The following HIBADH variants were observed in gnomAD, a reference collection of about 807,000 sequenced individuals.
HIBADH encodes 3-hydroxyisobutyrate dehydrogenase, mitochondrial.
HIBADH carries 25 observed loss-of-function variants against 36.1 expected under a neutral mutation model. The observed-to-expected ratio is 0.69, with a 90% CI of 0.50 to 0.97. The LOEUF (loss-of-function observed/expected upper bound fraction) is 0.97. Among genes scored for constraint, HIBADH ranks in the 50% least tolerant of loss-of-function variants. The probability of loss-of-function intolerance (pLI) is 0.00; values close to 1 mark genes in which losing one functional copy is unlikely to be tolerated. For synonymous variants in HIBADH, 160 were observed against 149.5 expected (o/e 1.07, Z -0.51); for missense variants, 421 against 418.0 (o/e 1.01, Z -0.06).
At chr7:27,650,968 T>C (rs2391453) in intron 1 of HIBADH, among the ~76,000 whole-genome samples, 115,230 of 152,062 alleles carry the variant, frequency 0.76, 44,093 homozygotes, top group East Asian at 0.94. Flanking sequence ...CAACGTATGG[T>C]CCCTGTCCTT....
intron 1 of HIBADH, among the ~76,000 whole-genome samples, chr7:27,656,614 T>C (rs1786311268): frequency 6.6e-6 from 1 of 152,212 alleles, no homozygotes; most frequent in Non-Finnish European, 1.5e-5. Context: ...ATTTTCTGTA[T>C]GGATACACAC....
At chr7:27,607,276 G>A (rs941150425) in intron 4 of HIBADH, among the ~76,000 whole-genome samples, 6 of 152,186 alleles carry the variant, frequency 3.9e-5, no homozygotes, top group Admixed American at 3.3e-4. Context: ...GAGAGACCGA[G>A]GTGGGCAGAT....
chr7:27,527,378 T>C (rs1050204770), intron 7 of HIBADH, among the ~76,000 whole-genome samples: 1 of 152,158 alleles, frequency 6.6e-6, no homozygotes, highest in South Asian at 2.1e-4. Flanking sequence ...TCAGTTAAGA[T>C]GTATTTGTGG....
chr7:27,662,751 C>A lies in HIBADH; in HGVS notation c.38G>T (p.Gly13Val). Residue 13 changes from glycine (G) to valine (V), a missense_variant, in exon 1 of 8, where the codon GGT becomes GTT. Gly to Val is a moderately radical substitution (Grantham distance 109). Coordinates refer to ENST00000265395, the MANE Select transcript of HIBADH (RefSeq NM_152740.4). Reference sequence around the variant, plus strand: ...CAGCCGCCGGCTCCAGTACCGGAGACCGGAGGCAGCTCCGAGGAGCCGTAA... The same window carrying A: ...CAGCCGCCGGCTCCAGTACCGGAGAACGGAGGCAGCTCCGAGGAGCCGTAA... ...ASLRLLGAAS[G>V]LRYWSRRLRP... The A allele has an allele frequency of 7.0e-7, 1 of 1,436,272 alleles. No individual in the cohort carries two copies. The allele number at this position is 1,436,272 out of a possible 1,614,324, so 89.0% of individuals were successfully genotyped here. A position where few individuals can be genotyped will look rare whatever the true frequency, so the allele number is the denominator to read the frequency against.
chr7:27,606,369 A>G (rs1377251507), intron 4 of HIBADH, among the ~76,000 whole-genome samples: 1 of 152,178 alleles, frequency 6.6e-6, no homozygotes, highest in Non-Finnish European at 1.5e-5. Context: ...GAAAAAGTCC[A>G]CTCTGGTTAA....
At chr7:27,591,198 T>A (rs1456680534) in intron 4 of HIBADH, among the ~76,000 whole-genome samples, 1 of 152,184 alleles carries the variant, frequency 6.6e-6, no homozygotes, top group Non-Finnish European at 1.5e-5. Context: ...ACTCTCCAAG[T>A]CTCTCCTTAG....
intron 6 of HIBADH, among the ~76,000 whole-genome samples, chr7:27,533,774 A>G (rs547275052): frequency 2.3e-4 from 35 of 152,292 alleles, no homozygotes; most frequent in African/African-American, 8.2e-4. Flanking sequence ...CAGGTATCTG[A>G]AAGGGCAAGT....
At chr7:27,546,652 T>G (rs1784238794) in intron 4 of HIBADH, among the ~76,000 whole-genome samples, 1 of 152,156 alleles carries the variant, frequency 6.6e-6, no homozygotes, top group South Asian at 2.1e-4. Flanking sequence ...TGTGAAGACT[T>G]CTTGCAAAAT....
At position 27,605,843 on chromosome 7, in the gene HIBADH, C is replaced by A. The variant is rs373166340; in HGVS notation, c.484+23528G>T. Among the ~76,000 whole-genome samples, 15 of 152,124 alleles carry A rather than the reference C, an allele frequency of 9.9e-5. No homozygotes were observed. In the South Asian group the frequency reaches 3.1e-3, roughly 32 times the overall value. On this transcript the variant is annotated intron_variant, in intron 4 of 7. Transcript: ENST00000265395. ...AACAAAAAATAATATATTTTATAAT[C>A]CTTTTATCATTAGCAGGTTTGGATG...
chr7:27,651,709 A>G (rs892965343), intron 1 of HIBADH, among the ~76,000 whole-genome samples: 1 of 152,240 alleles, frequency 6.6e-6, no homozygotes, highest in African/African-American at 2.4e-5. Flanking sequence ...CAAATTCAAC[A>G]AACACTAAGC....
At chr7:27,556,767 C>T (rs1321997695) in intron 4 of HIBADH, among the ~76,000 whole-genome samples, 1 of 152,150 alleles carries the variant, frequency 6.6e-6, no homozygotes, top group African/African-American at 2.4e-5. Flanking sequence ...TGTTCTTGAA[C>T]AAATATGATG....
At chr7:27,607,344 G>C (rs1239905054) in intron 4 of HIBADH, among the ~76,000 whole-genome samples, 2 of 151,980 alleles carry the variant, frequency 1.3e-5, no homozygotes, top group Non-Finnish European at 2.9e-5. Context: ...CATGTCTCTA[G>C]TAAAAATATA....
At chr7:27,641,391 A>G (rs6945993) in intron 2 of HIBADH, among the ~76,000 whole-genome samples, 115,220 of 151,980 alleles carry the variant, frequency 0.76, 44,103 homozygotes, top group East Asian at 0.94. Context: ...ATATAGTAAC[A>G]CAGAGGGAGG....
intron 4 of HIBADH, among the ~76,000 whole-genome samples, chr7:27,563,351 T>A (rs1186147279): frequency 6.6e-6 from 1 of 152,242 alleles, no homozygotes; most frequent in Non-Finnish European, 1.5e-5. Context: ...GATCATGAAT[T>A]CAGGTACAGG....
At chr7:27,546,999 C>T (rs1784243758) in intron 4 of HIBADH, among the ~76,000 whole-genome samples, 1 of 152,174 alleles carries the variant, frequency 6.6e-6, no homozygotes, top group South Asian at 2.1e-4. Context: ...ATCTAGTTCA[C>T]CCAGCTCATG....
At chr7:27,561,271 T>G (rs905019044) in intron 4 of HIBADH, among the ~76,000 whole-genome samples, 5 of 152,202 alleles carry the variant, frequency 3.3e-5, no homozygotes, top group Non-Finnish European at 7.4e-5. Flanking sequence ...AAAACTTGCA[T>G]TCTCAGTTTC....
At chr7:27,597,550 C>T (rs975263210) in intron 4 of HIBADH, among the ~76,000 whole-genome samples, 1 of 151,854 alleles carries the variant, frequency 6.6e-6, no homozygotes, top group African/African-American at 2.4e-5. Flanking sequence ...AGAGGCACTA[C>T]CAGAATCCCC....
chr7:27,580,491 TCAG>T (rs777492080), intron 4 of HIBADH, among the ~76,000 whole-genome samples: 1 of 152,182 alleles, frequency 6.6e-6, no homozygotes, highest in Non-Finnish European at 1.5e-5. Flanking sequence ...TTACAGTAAA[TCAG>T]CAGAAAACTC....
In HIBADH at chr7:27,605,586, CAAAAAAAAAAAAA is replaced by C. The variant is rs70994666; in HGVS notation, c.484+23772_484+23784del. Among the ~76,000 whole-genome samples the C allele has an allele frequency of 2.6e-3, 87 of 33,608 alleles. 2 individuals carry two copies. The highest frequency in any genetic ancestry group is 0.01 in the Admixed American group (17 of 1,640). 22.0% of individuals were successfully genotyped at this position (33,608 alleles called of 152,430 possible). A position where few individuals can be genotyped will look rare whatever the true frequency, so the allele number is the denominator to read the frequency against. On this transcript the variant is annotated intron_variant, in intron 4 of 7. Transcript: ENST00000265395. ...TTCCCCTCTCCAGTGTTTAGACAAG[CAAAAAAAAAAAAA>C]AAAAAAAAAAAAAAAGCCAAATGTT... is the stretch of plus-strand genomic sequence containing the variant.
Sources: allele counts gnomAD v4.1 joint callset (sites outside exome capture counted in the v4.1 genomes callset), GRCh38; gene constraint gnomAD v4.1.1; transcripts MANE v1.5; gene names NCBI Gene and HGNC (gene_info 2026-07-23, HGNC 2026-07-21).